ZNF593: variants seen among roughly 807,000 people sequenced by gnomAD.
The protein encoded by ZNF593 is zinc finger protein 593.
Under a neutral mutation model 12.9 loss-of-function variants are expected in ZNF593, and 18 were observed. The ratio of observed to expected loss-of-function variants is 1.40; its 90% CI spans 0.96 to 2.07. The LOEUF is 2.07. ZNF593 is among the 30% of genes most tolerant of loss of function. The pLI is 0.00. For synonymous variants in ZNF593, 79 were observed against 79.9 expected, an observed-to-expected ratio of 0.99 and a Z score of 0.06; for missense variants, 198 against 186.7, an observed-to-expected ratio of 1.06 and a Z score of -0.35.
In ZNF593 at chr1:26,170,008, G is replaced by A. The variant is rs760458854; in HGVS notation, c.25G>A (p.Ala9Thr). 10 of 1,556,650 alleles carry A rather than the reference G, an allele frequency of 6.4e-6. No individual in the cohort carries two copies. Among genetic ancestry groups the A allele is most frequent in the South Asian group, 5.9e-5 (5 of 85,040 alleles). The part of the protein sequence containing the change: MGRSRRTG[A>T]HRAHSLARQM... Reference sequence around the variant, plus strand: ...CATGGGTCGCTCCCGCCGGACAGGCGCGCACCGAGCGCACTCTCTAGCCCG... The same window carrying A: ...CATGGGTCGCTCCCGCCGGACAGGCACGCACCGAGCGCACTCTCTAGCCCG... The change falls in exon 1 of 3, where the codon GCG becomes ACG. Residue 9 changes from alanine to threonine, a missense_variant. Physicochemically the swap from Ala to Thr is moderately conservative, Grantham distance 58. Transcript: ENST00000374266.
chr1:26,170,275 T>C, intron 1 of ZNF593, 92 bp downstream of exon 1: 1 of 1,551,404 alleles, frequency 6.4e-7, no homozygotes, highest in Non-Finnish European at 8.7e-7. Context: ...GCGCAGAGTC[T>C]TCTCTCTTGG....
At position 26,170,012 on chromosome 1, in the gene ZNF593, A is replaced by G. The variant is rs1395052972; in HGVS notation, c.29A>G (p.His10Arg). ...GGTCGCTCCCGCCGGACAGGCGCGC[A>G]CCGAGCGCACTCTCTAGCCCGGCAG... Reference protein sequence around the residue: MGRSRRTGAHRAHSLARQMK... With the variant: MGRSRRTGARRAHSLARQMK... The change falls in exon 1 of 3, where the codon CAC (histidine) becomes CGC (arginine). Residue 10 changes from histidine to arginine, a missense_variant. Coordinates refer to ENST00000374266, the MANE Select transcript of ZNF593 (RefSeq NM_015871.5). 1 of 1,559,920 alleles carries G rather than the reference A, an allele frequency of 6.4e-7. No homozygotes were observed. The highest frequency in any genetic ancestry group is 8.6e-7 in the Non-Finnish European group (1 of 1,156,236).
chr1:26,170,343 A>T, intron 1 of ZNF593, 75 bp from the exon 2 acceptor site: 1 of 1,553,464 alleles, frequency 6.4e-7, no homozygotes, highest in East Asian at 2.2e-5. Flanking sequence ...GTCAGGGACA[A>T]GCTAGGGCTA....
Position 26,170,405 on chromosome 1 carries a change from T to G in ZNF593, c.201-13T>G. 1 of 1,612,304 alleles carries G rather than the reference T, an allele frequency of 6.2e-7. No homozygotes were observed. The highest frequency in any genetic ancestry group is 8.5e-7 in the Non-Finnish European group (1 of 1,178,764). ...TCACCTCCTCACTCTCCTTCTCACT[T>G]CCATTCCTACAGGAGGTACTTCATC... On this transcript the variant is annotated splice_polypyrimidine_tract_variant and intron_variant, in intron 1 of 2. Coordinates refer to ENST00000374266, the MANE Select transcript of ZNF593 (RefSeq NM_015871.5).
At position 26,170,630 on chromosome 1, in the gene ZNF593, G is replaced by A. The variant is rs961621701; in HGVS notation, c.319G>A (p.Gly107Ser). The change falls in exon 3 of 3, where the codon GGT becomes AGT. Residue 107 changes from glycine to serine, a missense_variant. Physicochemically the swap from Gly to Ser is moderately conservative, Grantham distance 56 (BLOSUM62 0). Transcript: ENST00000374266. The part of the protein sequence containing the change: ...YSQEEAERAA[G>S]MGSYVPPRRL... ...TCAGGAAGAGGCGGAGAGGGCAGCG[G>A]GTATGGGATCCTATGTGCCCCCCAG... The A allele has an allele frequency of 3.7e-6, 6 of 1,613,224 alleles. No individual in the cohort carries two copies. Among genetic ancestry groups the A allele is most frequent in the Middle Eastern group, 1.6e-4 (1 of 6,082 alleles).
At position 26,170,081 on chromosome 1, in the gene ZNF593, G is replaced by A; in HGVS notation, c.98G>A (p.Arg33His). The change falls in exon 1 of 3, where the codon CGC becomes CAC. Residue 33 changes from arginine to histidine, a missense_variant. Physicochemically the swap from Arg to His is conservative, Grantham distance 29 (BLOSUM62 0). Coordinates refer to ENST00000374266, the MANE Select transcript of ZNF593 (RefSeq NM_015871.5). ...RRRPDLDEIHRELRPQGSARP... is the reference protein window; with the variant it reads ...RRRPDLDEIHHELRPQGSARP... ...CGGCCGGACTTGGATGAGATTCACC[G>A]CGAGCTGCGGCCTCAGGGATCCGCA... 6.4e-7 allele frequency: 1 copy of A among 1,571,976 alleles called. No homozygotes were observed.
chr1:26,170,181 C>T lies in ZNF593; in HGVS notation c.198C>T (p.Cys66=), dbSNP rs1250430316. 1 of 1,572,126 alleles carries T rather than the reference C, an allele frequency of 6.4e-7. No individual in the cohort carries two copies. Among genetic ancestry groups the T allele is most frequent in the Non-Finnish European group, 8.6e-7 (1 of 1,162,644 alleles). ...GCGGTCTGCACCGCTGTCTGGCCTG[C>T]GCGTGAGTCCCGGACGAGCCCGGCC... ...PGGGLHRCLA[C]ARYFIDSTNL... The change falls in exon 1 of 3, where the codon TGC becomes TGT. Residue 66 remains cysteine (C), a splice_region_variant and synonymous_variant. Coordinates refer to ENST00000374266, the MANE Select transcript of ZNF593 (RefSeq NM_015871.5).
rs2088479141 is a variant in ZNF593, at chr1:26,170,467, G to C, written c.250G>C (p.Asp84His). 2 of 1,614,200 alleles carry C rather than the reference G, an allele frequency of 1.2e-6. No individual in the cohort carries two copies. The highest frequency in any genetic ancestry group is 1.7e-6 in the Non-Finnish European group (2 of 1,180,036). ...TNLKTHFRSK[D>H]HKKRLKQLSV... is the part of the protein sequence containing the mutation. ...CCTGAAGACCCACTTCCGATCCAAA[G>C]ACCACAAGAAAAGGTATGAAGGAGT... Residue 84 changes from aspartate (D) to histidine (H), a missense_variant, in exon 2 of 3, where the codon GAC becomes CAC. Coordinates refer to ENST00000374266, the MANE Select transcript of ZNF593 (RefSeq NM_015871.5).
chr1:26,170,657 C>A lies in ZNF593; in HGVS notation c.346C>A (p.Arg116=), dbSNP rs138615482. 4.3e-6 allele frequency: 7 copies of A among 1,611,970 alleles called. No homozygotes were observed. The highest frequency in any genetic ancestry group is 5.9e-6 in the Non-Finnish European group (7 of 1,180,024). ...AGMGSYVPPR[R]LAVPTEVSTE... Reference sequence around the variant, plus strand: ...TATGGGATCCTATGTGCCCCCCAGGCGGCTGGCAGTGCCCACGGAAGTGTC... The same window carrying A: ...TATGGGATCCTATGTGCCCCCCAGGAGGCTGGCAGTGCCCACGGAAGTGTC... The change falls in exon 3 of 3, where the codon CGG becomes AGG. Residue 116 remains arginine, a synonymous_variant. Transcript: ENST00000374266.
intron 1 of ZNF593, 114 bp downstream of exon 1, chr1:26,170,297 C>T (rs1283392124): frequency 6.6e-7 from 1 of 1,524,310 alleles, no homozygotes; most frequent in East Asian, 2.3e-5. Context: ...ACCCGTGGGT[C>T]CGCCCGCCTC....
Position 26,170,123 on chromosome 1 carries a change from C to A in ZNF593, c.140C>A (p.Pro47Gln). ...PQGSARPQPD[P>Q]NAEFDPDLPG... ...GGATCCGCACGACCCCAGCCCGACC[C>A]AAACGCCGAGTTCGACCCCGACCTG... The change falls in exon 1 of 3, where the codon CCA becomes CAA. Residue 47 changes from proline (P) to glutamine (Q), a missense_variant. By Grantham distance (76) the Pro-to-Gln change is moderately conservative. Coordinates refer to ENST00000374266, the MANE Select transcript of ZNF593 (RefSeq NM_015871.5). 6.4e-7 allele frequency: 1 copy of A among 1,571,846 alleles called. No individual in the cohort carries two copies. Among genetic ancestry groups the A allele is most frequent in the Non-Finnish European group, 8.6e-7 (1 of 1,160,852 alleles).
chr1:26,170,386 CCTCACTCTCCTT>C lies in ZNF593; in HGVS notation c.201-25_201-14del, dbSNP rs1349342212. 12 of 1,601,120 alleles carry C rather than the reference CCTCACTCTCCTT, an allele frequency of 7.5e-6. No individual in the cohort carries two copies. Among genetic ancestry groups the C allele is most frequent in the Admixed American group, 5.0e-5 (3 of 59,710 alleles). On this transcript the variant is annotated intron_variant, in intron 1 of 2. Coordinates refer to ENST00000374266, the MANE Select transcript of ZNF593 (RefSeq NM_015871.5). ...AGGTGCACTTGGGAGACTATCACCT[CCTCACTCTCCTT>C]CTCACTTCCATTCCTACAGGAGGTA...
In ZNF593 at chr1:26,170,421, G is replaced by A; in HGVS notation, c.204G>A (p.Arg68=). ...GGLHRCLACA[R]YFIDSTNLKT... is the part of the protein sequence containing the mutation. ...CTTCTCACTTCCATTCCTACAGGAG[G>A]TACTTCATCGATTCCACCAACCTGA... is the stretch of plus-strand genomic sequence containing the variant. The change falls in exon 2 of 3, where the codon AGG becomes AGA. Residue 68 remains arginine, a synonymous_variant. Coordinates refer to ENST00000374266, the MANE Select transcript of ZNF593 (RefSeq NM_015871.5). The A allele has an allele frequency of 1.9e-6, 3 of 1,613,920 alleles. No homozygotes were observed.
chr1:26,170,287 AC>A, intron 1 of ZNF593, 104 bp downstream of exon 1: 2 of 1,536,310 alleles, frequency 1.3e-6, no homozygotes. Context: ...CTCTCTTGGG[AC>A]CCGTGGGTCC....
chr1:26,170,555 CCT>C lies in ZNF593; in HGVS notation c.264-19_264-18del, dbSNP rs1445944971. ...GCTCTCACCTGGTCAGCTCCCAACT[CCT>C]GTTTTTCTTTCTCCCAGGCTGAAGC... is the stretch of plus-strand genomic sequence containing the variant. On this transcript the variant is annotated intron_variant, in intron 2 of 2. Coordinates refer to ENST00000374266, the MANE Select transcript of ZNF593 (RefSeq NM_015871.5). 2.5e-6 allele frequency: 4 copies of C among 1,613,882 alleles called. No individual in the cohort carries two copies. The highest frequency in any genetic ancestry group is 3.4e-6 in the Non-Finnish European group (4 of 1,180,004).
chr1:26,170,151 A>T lies in ZNF593; in HGVS notation c.168A>T (p.Pro56=), dbSNP rs765856781. ...DPNAEFDPDL[P]GGGLHRCLAC... ...ACGCCGAGTTCGACCCCGACCTGCC[A>T]GGGGGCGGTCTGCACCGCTGTCTGG... Residue 56 remains proline (P), a synonymous_variant, in exon 1 of 3, where the codon CCA becomes CCT. Transcript: ENST00000374266. 2.5e-6 allele frequency: 4 copies of T among 1,572,140 alleles called. No individual in the cohort carries two copies. The highest frequency in any genetic ancestry group is 1.1e-5 in the South Asian group (1 of 86,980).
Position 26,170,223 on chromosome 1 carries a change from C to G in ZNF593, c.200+40C>G, listed in dbSNP as rs961654226. On this transcript the variant is annotated intron_variant, in intron 1 of 2. Transcript: ENST00000374266. ...AGCCCGGCCTGGGGCGGAGGAGGGTCCGCGGTACCGGCCGGGAGATGTGAA... is the reference window on the plus strand; with the variant it reads ...AGCCCGGCCTGGGGCGGAGGAGGGTGCGCGGTACCGGCCGGGAGATGTGAA... The G allele has an allele frequency of 1.9e-6, 3 of 1,580,792 alleles. No homozygotes were observed. In the African/African-American group the frequency reaches 4.0e-5, roughly 21 times the overall value.
At position 26,170,430 on chromosome 1, in the gene ZNF593, C is replaced by T; in HGVS notation, c.213C>T (p.Ile71=). 1 of 1,613,962 alleles carries T rather than the reference C, an allele frequency of 6.2e-7. No homozygotes were observed. The highest frequency in any genetic ancestry group is 8.5e-7 in the Non-Finnish European group (1 of 1,179,886). Reference sequence around the variant, plus strand: ...TCCATTCCTACAGGAGGTACTTCATCGATTCCACCAACCTGAAGACCCACT... The same window carrying T: ...TCCATTCCTACAGGAGGTACTTCATTGATTCCACCAACCTGAAGACCCACT... ...HRCLACARYF[I]DSTNLKTHFR... is the part of the protein sequence containing the mutation. The change falls in exon 2 of 3, where the codon ATC becomes ATT. Residue 71 remains isoleucine (I), a synonymous_variant. Coordinates refer to ENST00000374266, the MANE Select transcript of ZNF593 (RefSeq NM_015871.5).
In ZNF593 at chr1:26,170,651, C is replaced by G. The variant is rs768391164; in HGVS notation, c.340C>G (p.Pro114Ala). ...RAAGMGSYVP[P>A]RRLAVPTEVS... Reference sequence around the variant, plus strand: ...AGCGGGTATGGGATCCTATGTGCCCCCCAGGCGGCTGGCAGTGCCCACGGA... The same window carrying G: ...AGCGGGTATGGGATCCTATGTGCCCGCCAGGCGGCTGGCAGTGCCCACGGA... The change falls in exon 3 of 3, where the codon CCC becomes GCC. Residue 114 changes from proline to alanine, a missense_variant. Coordinates refer to ENST00000374266, the MANE Select transcript of ZNF593 (RefSeq NM_015871.5). 6.2e-7 allele frequency: 1 copy of G among 1,612,470 alleles called. No homozygotes were observed. The highest frequency in any genetic ancestry group is 1.3e-5 in the African/African-American group (1 of 74,914).
Sources: allele counts gnomAD v4.1 joint callset, GRCh38; gene constraint gnomAD v4.1.1; transcripts MANE v1.5; gene names NCBI Gene and HGNC (gene_info 2026-07-23, HGNC 2026-07-21).